The following DNAH6 variants were observed in gnomAD, a reference collection of about 807,000 sequenced individuals.
DNAH6 encodes the protein dynein axonemal heavy chain 6.
In DNAH6, 340 loss-of-function variants were observed where a neutral mutation model predicts 491.4. The observed-to-expected ratio is 0.69, with a 90% CI of 0.63 to 0.76. DNAH6 has a LOEUF of 0.76. Among genes scored for constraint, DNAH6 ranks in the 30% least tolerant of loss-of-function variants. The pLI is 0.00. For missense variants in DNAH6, 4,443 were observed against 4,972.2 expected (o/e 0.89, Z 3.20); for synonymous variants, 1,603 against 1,686.1 (o/e 0.95, Z 1.21).
intron 75 of DNAH6, 41 bp from the exon 76 acceptor site, chr2:84,815,819 CT>C: frequency 2.0e-6 from 3 of 1,468,828 alleles, no homozygotes; most frequent in Admixed American, 2.0e-5. Context: ...CTGCTGATCC[CT>C]TTTCCCCCAT....
intron 5 of DNAH6, among the ~76,000 whole-genome samples, chr2:84,546,523 C>G (rs937505986): frequency 1.3e-5 from 2 of 152,136 alleles, no homozygotes; most frequent in Non-Finnish European, 2.9e-5. Flanking sequence ...GTATGTGGTC[C>G]TTTATGACTG....
intron 45 of DNAH6, among the ~76,000 whole-genome samples, chr2:84,691,480 T>A (rs2104779450): frequency 6.6e-6 from 1 of 152,344 alleles, no homozygotes; most frequent in Admixed American, 6.5e-5. Context: ...AGATGTGTAC[T>A]GTGGCAGACA....
chr2:84,811,251 G>A (rs1474870933), intron 72 of DNAH6, among the ~76,000 whole-genome samples: 1 of 152,198 alleles, frequency 6.6e-6, no homozygotes, highest in African/African-American at 2.4e-5. Flanking sequence ...TGTGCATGTG[G>A]TCCCAGGCCT....
chr2:84,704,685 C>T (rs1696261338), intron 51 of DNAH6, among the ~76,000 whole-genome samples: 1 of 152,184 alleles, frequency 6.6e-6, no homozygotes, highest in African/African-American at 2.4e-5. Context: ...CAGGAATGAG[C>T]TTTAATGTTC....
intron 32 of DNAH6, 80 bp from the exon 33 acceptor site, chr2:84,641,867 C>G (rs1689440906): frequency 1.8e-6 from 2 of 1,124,864 alleles, no homozygotes; most frequent in Admixed American, 4.6e-5. Context: ...GGGAAGGGCT[C>G]TGCCCTCCCC....
intron 23 of DNAH6, among the ~76,000 whole-genome samples, chr2:84,618,359 G>A (rs1173266109): frequency 6.6e-6 from 1 of 152,054 alleles, no homozygotes; most frequent in Non-Finnish European, 1.5e-5. Flanking sequence ...CTCAAGTTGG[G>A]GAATAATGGC....
chr2:84,712,945 G>A (rs1419412615), intron 56 of DNAH6, 150 bp from the exon 57 acceptor site: 5 of 668,756 alleles, frequency 7.5e-6, no homozygotes, highest in Admixed American at 3.0e-5. Context: ...ACTGTTAGAG[G>A]TAGTGTGAGG....
intron 3 of DNAH6, among the ~76,000 whole-genome samples, chr2:84,526,824 G>C (rs1324818324): frequency 6.6e-6 from 1 of 152,170 alleles, no homozygotes; most frequent in East Asian, 1.9e-4. Flanking sequence ...AGCCAGGAAA[G>C]ATTTAATTGC....
At chr2:84,671,323 T>C (rs546095407) in intron 39 of DNAH6, among the ~76,000 whole-genome samples, 5 of 152,270 alleles carry the variant, frequency 3.3e-5, no homozygotes, top group African/African-American at 1.2e-4. Context: ...CACTGGAAGT[T>C]TCCCTGAGGG....
chr2:84,811,840 A>G (rs1680006505), intron 72 of DNAH6, among the ~76,000 whole-genome samples: 2 of 150,056 alleles, frequency 1.3e-5, no homozygotes, highest in Non-Finnish European at 3.0e-5. Flanking sequence ...CAGCCTGGCG[A>G]CAGAGCAAGA....
chr2:84,787,803 A>T (rs1051918295), intron 68 of DNAH6, among the ~76,000 whole-genome samples: 6 of 152,220 alleles, frequency 3.9e-5, no homozygotes, highest in African/African-American at 1.4e-4. Context: ...CCTGTAAAAA[A>T]GGAAAAACCT....
chr2:84,579,738 T>C, intron 14 of DNAH6, 59 bp downstream of exon 14: 1 of 1,432,384 alleles, frequency 7.0e-7, no homozygotes, highest in Non-Finnish European at 9.3e-7. Flanking sequence ...AAGGAAGACA[T>C]AGGACAAGAA....
chr2:84,530,639 G>A (rs1188792170), intron 4 of DNAH6, among the ~76,000 whole-genome samples: 2 of 152,138 alleles, frequency 1.3e-5, no homozygotes, highest in Non-Finnish European at 2.9e-5. Flanking sequence ...AGGCTTTGAG[G>A]CAACAAGGGT....
intron 63 of DNAH6, among the ~76,000 whole-genome samples, chr2:84,761,280 GAAT>G (rs1300501675): frequency 6.6e-6 from 1 of 152,062 alleles, no homozygotes. Flanking sequence ...ATGTACACAT[GAAT>G]GTAGAGAAAG....
At chr2:84,662,560 T>C (rs2091478) in intron 37 of DNAH6, among the ~76,000 whole-genome samples, 146,810 of 152,128 alleles carry the variant, frequency 0.97, 70,895 homozygotes, top group East Asian at 1. Context: ...GGGGGAGGGG[T>C]GCCCACCATT....
At position 84,681,348 on chromosome 2, in the gene DNAH6, T is replaced by C; in HGVS notation, c.6745-9T>C. The C allele has an allele frequency of 6.6e-7, 1 of 1,520,188 alleles. No homozygotes were observed. Among genetic ancestry groups the C allele is most frequent in the Non-Finnish European group, 8.8e-7 (1 of 1,132,306 alleles). The allele number at this position is 1,520,188 out of a possible 1,614,324, so 94.2% of individuals were successfully genotyped here. A position where few individuals can be genotyped will look rare whatever the true frequency, so the allele number is the denominator to read the frequency against. On this transcript the variant is annotated splice_polypyrimidine_tract_variant and intron_variant, in intron 41 of 76. Transcript: ENST00000389394. ...ATCTAATCCTCTCATATTATGTTTC[T>C]GGTTCTAGGCCATCTTAAATGGTTT...
At chr2:84,632,967 T>C (rs1355756110) in intron 29 of DNAH6, among the ~76,000 whole-genome samples, 2 of 152,206 alleles carry the variant, frequency 1.3e-5, no homozygotes, top group African/African-American at 4.8e-5. Flanking sequence ...TAAGTATAGA[T>C]GAAGGACTAA....
intron 42 of DNAH6, among the ~76,000 whole-genome samples, chr2:84,684,969 A>C (rs1016955374): frequency 2.1e-4 from 32 of 152,206 alleles, no homozygotes; most frequent in Middle Eastern, 3.2e-3. Context: ...TTGCAAGATA[A>C]GTAAATATAT....
In DNAH6 at chr2:84,670,439, G is replaced by C. The variant is rs1008359158; in HGVS notation, c.6418G>C (p.Glu2140Gln). ...ATCTGCAAGGACACAAGAGATCATTGAGTCAAAACTGGAGAGAAAAAGAAA... is the reference window on the plus strand; with the variant it reads ...ATCTGCAAGGACACAAGAGATCATTCAGTCAAAACTGGAGAGAAAAAGAAA... ...TSSARTQEIIESKLERKRKNI... is the reference protein window; with the variant it reads ...TSSARTQEIIQSKLERKRKNI... The change falls in exon 39 of 77, where the codon GAG becomes CAG. Residue 2140 changes from glutamate (E) to glutamine (Q), a missense_variant. By Grantham distance (29) the Glu-to-Gln change is conservative. Coordinates refer to ENST00000389394, the MANE Select transcript of DNAH6 (RefSeq NM_001370.2). The C allele has an allele frequency of 6.5e-7, 1 of 1,541,144 alleles. No individual in the cohort carries two copies. The highest frequency in any genetic ancestry group is 8.7e-7 in the Non-Finnish European group (1 of 1,143,346).
Sources: gnomAD v4.1 joint callset for allele counts (sites outside exome capture counted in the v4.1 genomes callset) on GRCh38, gnomAD v4.1.1 for gene constraint, MANE v1.5 for transcripts, NCBI Gene and HGNC (gene_info 2026-07-23, HGNC 2026-07-21) for gene names.